The following KLF17 variants were observed in gnomAD, a reference collection of about 807,000 sequenced individuals.
KLF17 encodes Krueppel-like factor 17.
KLF17 carries 31 observed loss-of-function variants against 34.2 expected under a neutral mutation model. The ratio of observed to expected loss-of-function variants is 0.91; its 90% CI spans 0.68 to 1.22. KLF17 has a LOEUF of 1.22. KLF17 is among the 50% of genes most tolerant of loss of function. KLF17 has a pLI of 0.00. For synonymous variants in KLF17, 179 were observed against 186.7 expected (o/e 0.96, Z 0.34); for missense variants, 478 against 505.2 (o/e 0.95, Z 0.52).
chr1:44,072,264 G>C, the KLF17 span, among the ~76,000 whole-genome samples: 3 of 152,038 alleles, frequency 2.0e-5, no homozygotes, highest in Non-Finnish European at 4.4e-5. Context: ...GGAAGACAAG[G>C]AGGACAGTTT....
the KLF17 span, among the ~76,000 whole-genome samples, chr1:44,075,640 C>A: frequency 6.6e-6 from 1 of 152,268 alleles, no homozygotes; most frequent in African/African-American, 2.4e-5. Flanking sequence ...ATGTAACAAT[C>A]CTCTGAGAAT....
At chr1:44,120,407 G>A (rs1557728836) in intron 1 of KLF17, among the ~76,000 whole-genome samples, 1 of 152,134 alleles carries the variant, frequency 6.6e-6, no homozygotes, top group Non-Finnish European at 1.5e-5. Flanking sequence ...TGAAGGAGGG[G>A]GTCTGAGAGA....
chr1:44,122,098 G>T, intron 1 of KLF17: 1 of 1,120,178 alleles, frequency 8.9e-7, no homozygotes, highest in Non-Finnish European at 1.3e-6. Flanking sequence ...AACACAACCT[G>T]TACAAAAAAT....
chr1:44,051,749 T>C, the KLF17 span, among the ~76,000 whole-genome samples: 1 of 152,194 alleles, frequency 6.6e-6, no homozygotes, highest in African/African-American at 2.4e-5. Context: ...TGACTAAATT[T>C]GGGGAATGAT....
At chr1:44,075,424 C>A in the KLF17 span, among the ~76,000 whole-genome samples, 1 of 152,046 alleles carries the variant, frequency 6.6e-6, no homozygotes, top group African/African-American at 2.4e-5. Flanking sequence ...TGCTACCATT[C>A]CTGTTGTATG....
intron 3 of KLF17, 115 bp downstream of exon 3, chr1:44,130,871 C>T: frequency 1.0e-6 from 1 of 966,360 alleles, no homozygotes; most frequent in Non-Finnish European, 1.5e-6. Context: ...ATTCGGTTCA[C>T]TGCACCTTCC....
chr1:44,092,133 G>T, the KLF17 span, among the ~76,000 whole-genome samples: 6 of 151,462 alleles, frequency 4.0e-5, no homozygotes, highest in African/African-American at 1.5e-4. Flanking sequence ...ACCTGAGGTC[G>T]GGGGTTCGAG....
the KLF17 span, among the ~76,000 whole-genome samples, chr1:44,095,307 C>T: frequency 6.6e-6 from 1 of 150,580 alleles, no homozygotes; most frequent in Non-Finnish European, 1.5e-5. Context: ...CCTCCACTTC[C>T]TGGGTTCAAG....
chr1:44,080,383 C>T, the KLF17 span, among the ~76,000 whole-genome samples: 96 of 151,914 alleles, frequency 6.3e-4, 1 homozygote, highest in Admixed American at 2.4e-3. Flanking sequence ...GGACTGCAGG[C>T]GCCCACCACC....
At chr1:44,062,177 A>C in the KLF17 span, among the ~76,000 whole-genome samples, 1 of 152,210 alleles carries the variant, frequency 6.6e-6, no homozygotes, top group African/African-American at 2.4e-5. Context: ...GAAGTTCCAC[A>C]TGCTTTCCAA....
chr1:44,045,562 C>T, the KLF17 span, among the ~76,000 whole-genome samples: 1 of 152,170 alleles, frequency 6.6e-6, no homozygotes, highest in Admixed American at 6.5e-5. Context: ...TGGGGCTTGA[C>T]ATCACCATGA....
the KLF17 span, chr1:44,105,345 T>G: frequency 2.0e-5 from 3 of 150,894 alleles, no homozygotes; most frequent in East Asian, 1.9e-4. Flanking sequence ...CATTAAAACT[T>G]TTTAAAATGA....
chr1:44,098,950 A>G, the KLF17 span, among the ~76,000 whole-genome samples: 5 of 147,168 alleles, frequency 3.4e-5, no homozygotes, highest in Non-Finnish European at 7.5e-5. Flanking sequence ...CTGGTCTCAA[A>G]CTCCTGGCCT....
At chr1:44,085,832 A>AG in the KLF17 span, among the ~76,000 whole-genome samples, 1 of 145,130 alleles carries the variant, frequency 6.9e-6, no homozygotes, top group Admixed American at 6.9e-5. Flanking sequence ...AAAAAAAAAA[A>AG]GGAGAGAGAG....
chr1:44,103,567 G>A, the KLF17 span: 1 of 1,546,992 alleles, frequency 6.5e-7, no homozygotes, highest in Non-Finnish European at 8.9e-7. Flanking sequence ...CCAGACTCCA[G>A]CCGGCTCTCC....
At chr1:44,045,538 C>G in the KLF17 span, among the ~76,000 whole-genome samples, 29 of 152,308 alleles carry the variant, frequency 1.9e-4, no homozygotes, top group Non-Finnish European at 2.6e-4. Flanking sequence ...GGTGGCTCAT[C>G]ATGACATCAT....
the KLF17 span, among the ~76,000 whole-genome samples, chr1:44,078,479 CTGCAG>C: frequency 6.8e-6 from 1 of 147,896 alleles, no homozygotes; most frequent in East Asian, 2.0e-4. Context: ...TGTTGCCAGG[CTGCAG>C]TGCAGTGCAG....
Position 44,130,444 on chromosome 1 carries a change from G to A in KLF17, c.926-68G>A, listed in dbSNP as rs1056171168. On this transcript the variant is annotated intron_variant, in intron 2 of 3. Transcript: ENST00000372299. The stretch of plus-strand genomic sequence containing the variant: ...TTGAATCCTCAACCTGGACTGCTCT[G>A]CCTCACAGAGTTAGACCCCTTCCTT... 3.1e-5 allele frequency: 50 copies of A among 1,593,198 alleles called. No homozygotes were observed. The African/African-American group carries it at 6.4e-4, about 21-fold the overall frequency.
chr1:44,131,990 T>C (rs1202578526), intron 3 of KLF17, among the ~76,000 whole-genome samples: 1 of 152,182 alleles, frequency 6.6e-6, no homozygotes, highest in Non-Finnish European at 1.5e-5. Flanking sequence ...CCATGGTGTC[T>C]GGCTGGGAGT....
Sources: gnomAD v4.1 joint callset for allele counts (sites outside exome capture counted in the v4.1 genomes callset) on GRCh38, gnomAD v4.1.1 for gene constraint, MANE v1.5 for transcripts, NCBI Gene and HGNC (gene_info 2026-07-23, HGNC 2026-07-21) for gene names.